FMNL2: variants seen among roughly 807,000 people sequenced by gnomAD.
FMNL2 encodes the protein formin like 2.
A neutral mutation model predicts 130.2 loss-of-function variants in FMNL2; 51 were observed. The ratio of observed to expected loss-of-function variants is 0.39; its 90% CI spans 0.31 to 0.49. The LOEUF (loss-of-function observed/expected upper bound fraction) is 0.49. Among genes scored for constraint, FMNL2 ranks in the 20% least tolerant of loss-of-function variants. FMNL2 has a pLI of 0.85. For synonymous variants in FMNL2, 465 were observed against 467.1 expected (o/e 1.00, Z 0.06); for missense variants, 977 against 1,316.2 (o/e 0.74, Z 3.99).
rs779255967 is a variant in FMNL2 at position 152,617,094 on chromosome 2, T to G, written c.1216T>G (p.Ser406Ala). ...EELEENISHL[S>A]EKLQDTENEA... ...CTTTCTTTTCAAAATTTTACAGTTA[T>G]CTGAAAAACTGCAAGACACAGAGAA... The change falls in exon 13 of 26, where the codon TCT (serine) becomes GCT (alanine). Residue 406 changes from serine to alanine, a missense_variant. Transcript: ENST00000288670. 1.9e-6 allele frequency: 3 copies of G among 1,613,828 alleles called. No homozygotes were observed. The South Asian group carries it at 3.3e-5, about 18-fold the overall frequency.
At chr2:152,611,264 A>G (rs961207252) in intron 10 of FMNL2, among the ~76,000 whole-genome samples, 1 of 152,158 alleles carries the variant, frequency 6.6e-6, no homozygotes, top group Admixed American at 6.5e-5. Flanking sequence ...GCCTGAACCC[A>G]GGAGGCGGAG....
chr2:152,404,738 G>A (rs573903055), intron 1 of FMNL2, among the ~76,000 whole-genome samples: 1 of 152,162 alleles, frequency 6.6e-6, no homozygotes, highest in Non-Finnish European at 1.5e-5. Flanking sequence ...AGTCCAGTGG[G>A]TGCCGTTAGC....
Position 152,636,426 on chromosome 2 carries a change from G to A in FMNL2, c.2681-1G>A. On this transcript the variant is annotated splice_acceptor_variant, in intron 21 of 25. Transcript: ENST00000288670. LOFTEE classifies it high-confidence loss of function. ...ACTGGGATGTTCTTTCTCTGCTTTA[G>A]TCTCCCTTGAGAATGTTTTGCTGGA... 6.2e-7 allele frequency: 1 copy of A among 1,609,900 alleles called. No homozygotes were observed. Among genetic ancestry groups the A allele is most frequent in the South Asian group, 1.1e-5 (1 of 90,182 alleles).
At chr2:152,341,170 AAG>A (rs1480453917) in intron 1 of FMNL2, among the ~76,000 whole-genome samples, 1 of 152,132 alleles carries the variant, frequency 6.6e-6, no homozygotes, top group African/African-American at 2.4e-5. Flanking sequence ...TTGTGAGGGG[AAG>A]AGAGTGTGGA....
At position 152,578,928 on chromosome 2, in the gene FMNL2, A is replaced by G. The variant is rs369228340; in HGVS notation, c.746A>G (p.Asn249Ser). The G allele has an allele frequency of 5.0e-6, 8 of 1,613,492 alleles. No homozygotes were observed. The East Asian group carries it at 1.1e-4, about 22-fold the overall frequency. The stretch of plus-strand genomic sequence containing the variant: ...GTCATGTCTCATCCACACGCTGTCA[A>G]TGAGATTGCACTAAGCCTGAACAAC... ...NMVMSHPHAV[N>S]EIALSLNNKN... is the part of the protein sequence containing the mutation. The change falls in exon 8 of 26, where the codon AAT (asparagine) becomes AGT (serine). Residue 249 changes from asparagine (N) to serine (S), a missense_variant. By Grantham distance (46) the Asn-to-Ser change is conservative. Around this residue, in one of 4 missense-constraint regions of FMNL2, gnomAD observed 689 missense variants for 995.9 expected, o/e 0.69. Transcript: ENST00000288670.
At chr2:152,601,550 C>T (rs1315928403) in intron 9 of FMNL2, among the ~76,000 whole-genome samples, 1 of 152,058 alleles carries the variant, frequency 6.6e-6, no homozygotes, top group Non-Finnish European at 1.5e-5. Flanking sequence ...ATCCGCCCAC[C>T]TTGGCCTCCC....
intron 13 of FMNL2, 36 bp downstream of exon 13, chr2:152,617,228 G>T: frequency 6.3e-7 from 1 of 1,575,708 alleles, no homozygotes; most frequent in Non-Finnish European, 8.7e-7. Context: ...AGATGGGCAC[G>T]GTAGGGAATG....
At chr2:152,407,548 G>C (rs1686051716) in intron 1 of FMNL2, among the ~76,000 whole-genome samples, 1 of 152,136 alleles carries the variant, frequency 6.6e-6, no homozygotes, top group South Asian at 2.1e-4. Context: ...TGGCCTAGTA[G>C]CCAGAGTGGC....
rs564773552 is a variant in FMNL2 at position 152,423,281 on chromosome 2, G to A, written c.117+87561G>A. Among the ~76,000 whole-genome samples, 10 of 152,266 alleles carry A rather than the reference G, an allele frequency of 6.6e-5. No individual in the cohort carries two copies. The East Asian group carries it at 1.2e-3, about 18-fold the overall frequency. On this transcript the variant is annotated intron_variant, in intron 1 of 25. Transcript: ENST00000288670. The stretch of plus-strand genomic sequence containing the variant: ...TTGTGAAGATTAACTCATTGAATTC[G>A]TTGATTCCTCTTGACACACTTTGAG...
At chr2:152,620,898 C>G (rs915219611) in intron 15 of FMNL2, 2 of 978,506 alleles carry the variant, frequency 2.0e-6, no homozygotes, top group African/African-American at 1.8e-5. Flanking sequence ...ACAGTAAGGT[C>G]CACAGTAAAT....
At chr2:152,388,715 A>G (rs13415463) in intron 1 of FMNL2, among the ~76,000 whole-genome samples, 137 of 152,322 alleles carry the variant, frequency 9.0e-4, no homozygotes, top group South Asian at 5.4e-3. Flanking sequence ...TGATTTTCTA[A>G]TACTATTGCA....
chr2:152,576,931 G>A (rs539276415), intron 7 of FMNL2, among the ~76,000 whole-genome samples: 2 of 152,166 alleles, frequency 1.3e-5, no homozygotes, highest in Non-Finnish European at 2.9e-5. Flanking sequence ...ATTATGTAGA[G>A]CTTTAGAGGC....
At chr2:152,523,991 C>T (rs13009580) in intron 2 of FMNL2, among the ~76,000 whole-genome samples, 7,256 of 152,188 alleles carry the variant, frequency 0.048, 196 homozygotes, top group African/African-American at 0.057. Context: ...AAAGAGGTGG[C>T]CTGGAAGACT....
chr2:152,644,466 AAT>A (rs1311162057), intron 25 of FMNL2, among the ~76,000 whole-genome samples: 1 of 152,196 alleles, frequency 6.6e-6, no homozygotes, highest in East Asian at 1.9e-4. Flanking sequence ...TGGAACTCGT[AAT>A]ATGAGCTTAA....
At chr2:152,575,955 G>A (rs925727427) in intron 7 of FMNL2, among the ~76,000 whole-genome samples, 2 of 152,274 alleles carry the variant, frequency 1.3e-5, no homozygotes, top group Admixed American at 6.5e-5. Flanking sequence ...TGGAACACGT[G>A]TGCTGGGTTA....
intron 3 of FMNL2, among the ~76,000 whole-genome samples, chr2:152,543,875 A>C (rs1694468507): frequency 1.3e-5 from 2 of 152,194 alleles, no homozygotes; most frequent in East Asian, 3.9e-4. Flanking sequence ...GCAGAACTTC[A>C]TCACTGGCTG....
At chr2:152,458,382 G>A (rs1345490352) in intron 1 of FMNL2, among the ~76,000 whole-genome samples, 1 of 152,180 alleles carries the variant, frequency 6.6e-6, no homozygotes, top group African/African-American at 2.4e-5. Context: ...CTGGTTGGAT[G>A]TGTTTACTCA....
At chr2:152,617,907 T>C (rs1397611478) in intron 13 of FMNL2, among the ~76,000 whole-genome samples, 1 of 152,232 alleles carries the variant, frequency 6.6e-6, no homozygotes, top group Non-Finnish European at 1.5e-5. Flanking sequence ...GTGTGTCTGA[T>C]ATCCTGACAT....
In FMNL2 at chr2:152,614,977, G is replaced by A; in HGVS notation, c.1189G>A (p.Glu397Lys). ...TKNAALERVEELEENISHLSE... is the reference protein window; with the variant it reads ...TKNAALERVEKLEENISHLSE... ...GAATGCTGCCTTGGAGAGGGTGGAA[G>A]AACTGGAAGAAAACATTTCTCATGT... The change falls in exon 12 of 26, where the codon GAA (glutamate) becomes AAA (lysine). Residue 397 changes from glutamate to lysine, a missense_variant. By Grantham distance (56) the Glu-to-Lys change is moderately conservative. Around this residue, in one of 4 missense-constraint regions of FMNL2, gnomAD observed 689 missense variants for 995.9 expected, o/e 0.69. Transcript: ENST00000288670. 2 of 1,610,994 alleles carry A rather than the reference G, an allele frequency of 1.2e-6. No homozygotes were observed. The highest frequency in any genetic ancestry group is 1.1e-5 in the South Asian group (1 of 90,506).
Sources: gnomAD v4.1 joint callset for allele counts (sites outside exome capture counted in the v4.1 genomes callset) on GRCh38, gnomAD v4.1.1 for gene constraint, gnomAD v4.1.1 regional missense constraint, MANE v1.5 for transcripts, NCBI Gene and HGNC (gene_info 2026-07-23, HGNC 2026-07-21) for gene names.